SVOPL: variants seen among roughly 807,000 people sequenced by gnomAD.
The protein encoded by SVOPL is SVOP like.
SVOPL carries 60 observed loss-of-function variants against 61.0 expected under a neutral mutation model. The ratio of observed to expected loss-of-function variants is 0.98; its 90% CI spans 0.80 to 1.22. The LOEUF (loss-of-function observed/expected upper bound fraction) is 1.22, where lower values mean the gene tolerates loss of function less well. SVOPL is among the 50% of genes most tolerant of loss of function. SVOPL has a pLI of 0.00. For missense variants in SVOPL, 662 were observed against 643.9 expected (o/e 1.03, Z -0.30); for synonymous variants, 279 against 250.0 (o/e 1.12, Z -1.09).
intron 14 of SVOPL, among the ~76,000 whole-genome samples, chr7:138,599,145 A>AAC (rs1798401496): frequency 1.7e-5 from 1 of 58,662 alleles, no homozygotes; most frequent in Non-Finnish European, 3.2e-5. Context: ...CGTCTCCAAA[A>AAC]AAAAAAAAAA....
intron 9 of SVOPL, among the ~76,000 whole-genome samples, chr7:138,631,261 G>A (rs1333848862): frequency 6.6e-6 from 1 of 152,058 alleles, no homozygotes; most frequent in Non-Finnish European, 1.5e-5. Context: ...GAGCTGTTTT[G>A]ATAAACCTCA....
chr7:138,608,778 T>C (rs917705264), intron 14 of SVOPL, among the ~76,000 whole-genome samples: 1 of 152,124 alleles, frequency 6.6e-6, no homozygotes, highest in Non-Finnish European at 1.5e-5. Flanking sequence ...AGTTGCAGAC[T>C]CGAGAAATAT....
At chr7:138,684,480 G>A (rs1406951638) in intron 1 of SVOPL, among the ~76,000 whole-genome samples, 4 of 152,270 alleles carry the variant, frequency 2.6e-5, no homozygotes, top group East Asian at 1.9e-4. Flanking sequence ...ACAAATTGCC[G>A]ATAGGCAGCC....
At chr7:138,673,129 G>T (rs1475334173) in intron 3 of SVOPL, among the ~76,000 whole-genome samples, 2 of 151,614 alleles carry the variant, frequency 1.3e-5, no homozygotes, top group African/African-American at 4.9e-5. Flanking sequence ...CACATGTTCT[G>T]TCGATAACAT....
At chr7:138,631,469 C>G (rs757167754) in intron 9 of SVOPL, among the ~76,000 whole-genome samples, 4 of 152,140 alleles carry the variant, frequency 2.6e-5, no homozygotes, top group Non-Finnish European at 4.4e-5. Flanking sequence ...CACCTCCCCC[C>G]ATCCTTCCAC....
chr7:138,622,026 C>CTATCTATCTATG (rs1799626728), intron 13 of SVOPL, among the ~76,000 whole-genome samples: 3 of 76,010 alleles, frequency 3.9e-5, no homozygotes, highest in African/African-American at 8.4e-5. Flanking sequence ...ATGTATCTAT[C>CTATCTATCTATG]TATCTATCTA....
At chr7:138,641,129 G>T (rs756012156) in intron 9 of SVOPL, among the ~76,000 whole-genome samples, 2 of 151,748 alleles carry the variant, frequency 1.3e-5, no homozygotes, top group African/African-American at 4.8e-5. Flanking sequence ...AGCCTGGAAG[G>T]TCAAGGCTAC....
intron 14 of SVOPL, among the ~76,000 whole-genome samples, chr7:138,602,602 C>T (rs1452512811): frequency 6.6e-6 from 1 of 152,106 alleles, no homozygotes; most frequent in African/African-American, 2.4e-5. Flanking sequence ...CACTCCTCCC[C>T]CTTCCTTTTG....
intron 14 of SVOPL, among the ~76,000 whole-genome samples, chr7:138,614,806 T>G (rs1799216045): frequency 6.6e-6 from 1 of 152,232 alleles, no homozygotes; most frequent in Non-Finnish European, 1.5e-5. Context: ...AGAGGCTGTT[T>G]AAAAGTTTTG....
At chr7:138,701,037 T>C (rs1016783334) in intron 1 of SVOPL, 141 bp downstream of exon 1, 1 of 152,202 alleles carries the variant, frequency 6.6e-6, no homozygotes, top group African/African-American at 2.4e-5. Context: ...TGATGTGTGA[T>C]GTAATTTGTT....
At chr7:138,699,199 G>A (rs1313618918) in intron 1 of SVOPL, among the ~76,000 whole-genome samples, 5 of 152,096 alleles carry the variant, frequency 3.3e-5, no homozygotes, top group Non-Finnish European at 5.9e-5. Flanking sequence ...AGCTACTTGG[G>A]AGGCTGAGGC....
At chr7:138,689,634 G>A (rs547556303) in intron 1 of SVOPL, 4 of 370,822 alleles carry the variant, frequency 1.1e-5, no homozygotes, top group Non-Finnish European at 2.0e-5. Flanking sequence ...TGAGGTGGGT[G>A]GATCACAAGG....
rs1293674776 is a variant in SVOPL at position 138,656,512 on chromosome 7, C to T, written c.471-1G>A. On this transcript the variant is annotated splice_acceptor_variant, in intron 6 of 15. Transcript: ENST00000674285. LOFTEE classifies it high-confidence loss of function. ...CAAAAATTCAGTCTTTATGATTAACCTAAACAGGAAGCAGGAAAAAGCATA... is the reference window on the plus strand; with the variant it reads ...CAAAAATTCAGTCTTTATGATTAACTTAAACAGGAAGCAGGAAAAAGCATA... The T allele has an allele frequency of 6.2e-7, 1 of 1,613,734 alleles. No individual in the cohort carries two copies. Among genetic ancestry groups the T allele is most frequent in the Non-Finnish European group, 8.5e-7 (1 of 1,179,900 alleles).
At chr7:138,595,109 A>G (rs1040999353) in intron 15 of SVOPL, among the ~76,000 whole-genome samples, 14 of 152,130 alleles carry the variant, frequency 9.2e-5, no homozygotes, top group Admixed American at 7.2e-4. Flanking sequence ...GACTTGTCGA[A>G]TCAGAGTTTC....
chr7:138,630,892 G>A (rs967438836), intron 9 of SVOPL, among the ~76,000 whole-genome samples: 1 of 146,162 alleles, frequency 6.8e-6, no homozygotes, highest in Admixed American at 7.0e-5. Flanking sequence ...GCAGTGAGCC[G>A]AGATCACACC....
At chr7:138,599,159 C>CA (rs1336279820) in intron 14 of SVOPL, among the ~76,000 whole-genome samples, 3 of 82,736 alleles carry the variant, frequency 3.6e-5, no homozygotes, top group Non-Finnish European at 4.4e-5. Flanking sequence ...AAAAAAAAAC[C>CA]AAAAAAAAAA....
At chr7:138,603,419 C>G (rs1563081364) in intron 14 of SVOPL, among the ~76,000 whole-genome samples, 1 of 152,138 alleles carries the variant, frequency 6.6e-6, no homozygotes, top group Non-Finnish European at 1.5e-5. Flanking sequence ...TGCGGTGGCT[C>G]ATGCCTGTAA....
At chr7:138,689,856 C>CA (rs71520015) in intron 1 of SVOPL, among the ~76,000 whole-genome samples, 26,260 of 106,378 alleles carry the variant, frequency 0.25, 3,208 homozygotes, top group Middle Eastern at 0.39. Context: ...GACTCCGTCT[C>CA]AAAAAAAAAA....
rs200150627 is a variant in SVOPL, at chr7:138,695,501, ACT to A, written c.-35+5675_-35+5676del. ...ACTACAGCATGGACAACACAGTGAG[ACT>A]CTGTCTCAAAAAGAAAAAAGGCAAA... On this transcript the variant is annotated intron_variant, in intron 1 of 15. Transcript: ENST00000674285. 3.6e-3 allele frequency among the ~76,000 whole-genome samples: 550 copies of A among 152,240 alleles called. 3 individuals are homozygous for A. Among genetic ancestry groups the A allele is most frequent in the Admixed American group, 0.014 (208 of 15,284 alleles).
Sources: gnomAD v4.1 joint callset for allele counts (sites outside exome capture counted in the v4.1 genomes callset) on GRCh38, gnomAD v4.1.1 for gene constraint, MANE v1.5 for transcripts, NCBI Gene and HGNC (gene_info 2026-07-23, HGNC 2026-07-21) for gene names.